RBFOX1: variants seen among roughly 807,000 people sequenced by gnomAD.
RBFOX1 encodes RNA binding protein fox-1 homolog 1.
Under a neutral mutation model 57.7 loss-of-function variants are expected in RBFOX1, and 8 were observed. The ratio of observed to expected loss-of-function variants is 0.14; its 90% CI spans 0.08 to 0.25. The LOEUF (loss-of-function observed/expected upper bound fraction) is 0.25, where lower values mean the gene tolerates loss of function less well. Among genes scored for constraint, RBFOX1 ranks in the 10% least tolerant of loss-of-function variants. RBFOX1 has a pLI of 1.00. For missense variants in RBFOX1, 611 were observed against 548.5 expected (o/e 1.11, Z -1.14); for synonymous variants, 326 against 222.4 (o/e 1.47, Z -4.15).
chr16:6,502,042 A>G (rs560458026), intron 2 of RBFOX1, among the ~76,000 whole-genome samples: 1 of 152,304 alleles, frequency 6.6e-6, no homozygotes, highest in Admixed American at 6.5e-5. Flanking sequence ...TCATGAGGGT[A>G]TAACCCTGGT....
intron 3 of RBFOX1, among the ~76,000 whole-genome samples, chr16:6,781,683 C>T (rs150360637): frequency 1.3e-5 from 2 of 152,050 alleles, no homozygotes; most frequent in South Asian, 2.1e-4. Flanking sequence ...TTATCCATTT[C>T]TTCCAGATTT....
intron 3 of RBFOX1, among the ~76,000 whole-genome samples, chr16:6,866,189 T>G (rs1228888087): frequency 2.0e-5 from 3 of 152,178 alleles, no homozygotes; most frequent in Non-Finnish European, 2.9e-5. Context: ...TCACCTTATC[T>G]CTGGTAGTTC....
intron 4 of RBFOX1, among the ~76,000 whole-genome samples, chr16:7,111,823 T>G (rs1009478161): frequency 6.6e-6 from 1 of 152,048 alleles, no homozygotes; most frequent in Admixed American, 6.6e-5. Context: ...AGGAGAGAAG[T>G]AAACTTTATA....
At chr16:6,993,142 T>C (rs1678084328) in intron 3 of RBFOX1, among the ~76,000 whole-genome samples, 2 of 152,202 alleles carry the variant, frequency 1.3e-5, no homozygotes, top group Non-Finnish European at 2.9e-5. Flanking sequence ...GACTGAACTG[T>C]AACACTGACT....
chr16:6,204,402 G>A (rs746479519), intron 1 of RBFOX1, among the ~76,000 whole-genome samples: 3 of 152,110 alleles, frequency 2.0e-5, no homozygotes, highest in Admixed American at 1.3e-4. Flanking sequence ...ATCCACCTTT[G>A]TTATGTTTTT....
At chr16:6,740,427 C>T (rs2071704552) in intron 3 of RBFOX1, among the ~76,000 whole-genome samples, 2 of 152,070 alleles carry the variant, frequency 1.3e-5, no homozygotes, top group African/African-American at 2.4e-5. Context: ...AAAAGGCATA[C>T]AGATTAAAAT....
intron 4 of RBFOX1, among the ~76,000 whole-genome samples, chr16:7,333,404 C>G (rs1355754165): frequency 6.6e-6 from 1 of 152,196 alleles, no homozygotes; most frequent in African/African-American, 2.4e-5. Flanking sequence ...CTGAGGGACT[C>G]AGTCTCCCAG....
At chr16:5,586,182 A>C (rs7204253) in intron 2 of RBFOX1, among the ~76,000 whole-genome samples, 39,067 of 151,994 alleles carry the variant, frequency 0.26, 6,015 homozygotes, top group East Asian at 0.5. Flanking sequence ...AGCATAAATT[A>C]TCCCACAGAA....
chr16:5,537,413 C>CA (rs2044743464), intron 2 of RBFOX1, among the ~76,000 whole-genome samples: 1 of 152,156 alleles, frequency 6.6e-6, no homozygotes, highest in Non-Finnish European at 1.5e-5. Context: ...CTTATGCCAA[C>CA]AAAAAATTTA....
chr16:6,122,571 C>T (rs1201144757), intron 1 of RBFOX1, among the ~76,000 whole-genome samples: 1 of 152,168 alleles, frequency 6.6e-6, no homozygotes, highest in Non-Finnish European at 1.5e-5. Context: ...CACATCCAGG[C>T]TTATATTGTG....
intron 4 of RBFOX1, among the ~76,000 whole-genome samples, chr16:7,408,652 C>G (rs1352878715): frequency 6.6e-6 from 1 of 152,190 alleles, no homozygotes; most frequent in African/African-American, 2.4e-5. Context: ...TCTCCTACAG[C>G]ACGTTTCTCC....
intron 3 of RBFOX1, among the ~76,000 whole-genome samples, chr16:5,739,958 G>A (rs1567473551): frequency 1.3e-5 from 2 of 152,226 alleles, no homozygotes; most frequent in Non-Finnish European, 2.9e-5. Context: ...GTGGGGTGAG[G>A]CTGGGTTGCT....
intron 2 of RBFOX1, among the ~76,000 whole-genome samples, chr16:6,335,007 G>T (rs2083455823): frequency 6.6e-6 from 1 of 152,234 alleles, no homozygotes; most frequent in South Asian, 2.1e-4. Context: ...TAATGTTACA[G>T]TTCAGTTGGG....
At chr16:5,879,129 C>T (rs2057696079) in intron 4 of RBFOX1, among the ~76,000 whole-genome samples, 1 of 152,144 alleles carries the variant, frequency 6.6e-6, no homozygotes, top group African/African-American at 2.4e-5. Flanking sequence ...GAGCTGCTTG[C>T]ACCTTTGCAG....
intron 3 of RBFOX1, among the ~76,000 whole-genome samples, chr16:5,696,681 G>C (rs1019275286): frequency 6.6e-6 from 1 of 152,084 alleles, no homozygotes; most frequent in Non-Finnish European, 1.5e-5. Flanking sequence ...ATTTTGATAT[G>C]AATTGCATGG....
rs1568609632 is a variant in RBFOX1, at chr16:7,709,040, T to C, written c.996-16T>C. The C allele has an allele frequency of 1.2e-6, 2 of 1,603,886 alleles. No homozygotes were observed. Among genetic ancestry groups the C allele is most frequent in the East Asian group, 2.2e-5 (1 of 44,796 alleles). ...TGCATACTGTGGATCAATCTTCACC[T>C]CTATTTTCCTTTCAGTTACGGACGA... is the stretch of plus-strand genomic sequence containing the variant. On this transcript the variant is annotated splice_polypyrimidine_tract_variant and intron_variant, in intron 14 of 15. Transcript: ENST00000550418.
chr16:5,269,957 C>T (rs921881535), intron 1 of RBFOX1, among the ~76,000 whole-genome samples: 3 of 152,014 alleles, frequency 2.0e-5, no homozygotes, highest in African/African-American at 7.3e-5. Flanking sequence ...GAGTTCCAGG[C>T]CAGCGTTGGC....
chr16:5,535,563 C>T (rs1355048109), intron 2 of RBFOX1, among the ~76,000 whole-genome samples: 3 of 152,160 alleles, frequency 2.0e-5, no homozygotes, highest in Non-Finnish European at 2.9e-5. Context: ...CTCTGTTTTG[C>T]AGCTCTAAAC....
intron 15 of RBFOX1, chr16:7,710,237 C>G: frequency 1.9e-6 from 2 of 1,059,336 alleles, no homozygotes; most frequent in Non-Finnish European, 2.3e-6. Flanking sequence ...AACTCTGCTT[C>G]AACACCTAGT....
Sources: gnomAD v4.1 joint callset for allele counts (sites outside exome capture counted in the v4.1 genomes callset) on GRCh38, gnomAD v4.1.1 for gene constraint, MANE v1.5 for transcripts, NCBI Gene and HGNC (gene_info 2026-07-23, HGNC 2026-07-21) for gene names.